The following FREM2 variants were observed in gnomAD, a reference collection of about 807,000 sequenced individuals.
FREM2 encodes FRAS1-related extracellular matrix protein 2.
A neutral mutation model predicts 219.9 loss-of-function variants in FREM2; 119 were observed. The observed-to-expected ratio is 0.54, with a 90% CI of 0.47 to 0.63. FREM2 has a LOEUF of 0.63. Among genes scored for constraint, FREM2 ranks in the 30% least tolerant of loss-of-function variants. FREM2 has a pLI of 0.00. For synonymous variants in FREM2, 1,562 were observed against 1,522.8 expected (o/e 1.03, Z -0.60); for missense variants, 4,030 against 3,993.6 (o/e 1.01, Z -0.25).
chr13:38,858,072 A>C (rs1162356402), intron 13 of FREM2, 39 bp downstream of exon 13: 1 of 1,528,044 alleles, frequency 6.5e-7, no homozygotes, highest in South Asian at 1.1e-5. Flanking sequence ...AAATTGTAAG[A>C]TAATTATTTC....
intron 2 of FREM2, among the ~76,000 whole-genome samples, chr13:38,708,718 CT>C (rs1225795404): frequency 2.6e-5 from 4 of 152,064 alleles, no homozygotes; most frequent in African/African-American, 9.7e-5. Flanking sequence ...ATTTTCTAAA[CT>C]GTAAATTTGA....
chr13:38,694,441 T>A (rs944258129), intron 1 of FREM2, among the ~76,000 whole-genome samples: 2 of 152,212 alleles, frequency 1.3e-5, no homozygotes, highest in Non-Finnish European at 2.9e-5. Flanking sequence ...GGAGATTAGA[T>A]AAGTGATTTA....
chr13:38,780,178 C>T (rs1874063257), intron 4 of FREM2, among the ~76,000 whole-genome samples: 1 of 152,178 alleles, frequency 6.6e-6, no homozygotes, highest in African/African-American at 2.4e-5. Context: ...TAAAAGGAAC[C>T]TCAATTTTAA....
chr13:38,802,165 G>A (rs1875037693), intron 6 of FREM2, among the ~76,000 whole-genome samples: 1 of 152,206 alleles, frequency 6.6e-6, no homozygotes, highest in South Asian at 2.1e-4. Context: ...TGATAAGCGA[G>A]GTGGGGTTGT....
At chr13:38,857,736 C>A in intron 12 of FREM2, 139 bp from the exon 13 acceptor site, 1 of 733,764 alleles carries the variant, frequency 1.4e-6, no homozygotes, top group Admixed American at 2.0e-5. Context: ...GCCTGTTGCT[C>A]TCCAGGGGCT....
chr13:38,834,067 G>A (rs1055792726), intron 6 of FREM2, among the ~76,000 whole-genome samples: 1 of 151,998 alleles, frequency 6.6e-6, no homozygotes, highest in Admixed American at 6.6e-5. Context: ...TGTGCAGAAC[G>A]TGCTAGTTTG....
intron 2 of FREM2, among the ~76,000 whole-genome samples, chr13:38,698,493 AC>A (rs1463821230): frequency 3.3e-5 from 5 of 152,094 alleles, no homozygotes; most frequent in Non-Finnish European, 5.9e-5. Flanking sequence ...TGTCTTCCTA[AC>A]CCTGTGGGTG....
At chr13:38,753,504 G>C (rs530270241) in intron 2 of FREM2, among the ~76,000 whole-genome samples, 44 of 152,136 alleles carry the variant, frequency 2.9e-4, no homozygotes, top group African/African-American at 1.1e-3. Flanking sequence ...CTTGGCATCC[G>C]TTTATATTAT....
At chr13:38,771,094 A>G (rs555471502) in intron 4 of FREM2, among the ~76,000 whole-genome samples, 2 of 152,356 alleles carry the variant, frequency 1.3e-5, no homozygotes, top group East Asian at 3.9e-4. Context: ...GTGTTAAAAG[A>G]CTAAGCATAA....
intron 2 of FREM2, among the ~76,000 whole-genome samples, chr13:38,730,841 A>G (rs1183688174): frequency 1.3e-5 from 2 of 152,090 alleles, no homozygotes; most frequent in Non-Finnish European, 2.9e-5. Context: ...CAAAGACATT[A>G]TTATTCTTTA....
chr13:38,687,622 A>G lies in FREM2; in HGVS notation c.278A>G (p.His93Arg), dbSNP rs1465290296. ...CGTGAAGTCTGGCTGGATCCCCTGC[A>G]TGACCTGGTGTTGCAGGTGCAGCCC... The part of the protein sequence containing the change: ...FGREVWLDPL[H>R]DLVLQVQPGD... Residue 93 changes from histidine to arginine, a missense_variant, in exon 1 of 24, where the codon CAT becomes CGT. His to Arg is a conservative substitution (Grantham distance 29). This residue lies in a region of FREM2 where 3,102 missense variants were observed against 2,950.7 expected (regional missense o/e 1.05). Transcript: ENST00000280481. 1.2e-6 allele frequency: 2 copies of G among 1,609,520 alleles called. No individual in the cohort carries two copies. The highest frequency in any genetic ancestry group is 8.5e-7 in the Non-Finnish European group (1 of 1,178,300).
chr13:38,716,329 T>A (rs757244413), intron 2 of FREM2, among the ~76,000 whole-genome samples: 1 of 150,998 alleles, frequency 6.6e-6, no homozygotes, highest in African/African-American at 2.5e-5. Flanking sequence ...TAGGTACTTA[T>A]GCAAAATTCG....
chr13:38,724,826 G>A (rs1871447612), intron 2 of FREM2, among the ~76,000 whole-genome samples: 2 of 152,130 alleles, frequency 1.3e-5, no homozygotes, highest in African/African-American at 4.8e-5. Flanking sequence ...GGAAGAGCCA[G>A]ACTTTTGTTG....
chr13:38,872,988 T>G, intron 17 of FREM2, 54 bp downstream of exon 17: 1 of 1,528,180 alleles, frequency 6.5e-7, no homozygotes, highest in Admixed American at 1.7e-5. Context: ...TTTAAACTAT[T>G]TAAGACGATT....
intron 2 of FREM2, among the ~76,000 whole-genome samples, chr13:38,716,432 C>T (rs990909): frequency 0.52 from 78,355 of 152,064 alleles, 23,250 homozygotes; most frequent in Non-Finnish European, 0.66. Flanking sequence ...TCAGCTTAAA[C>T]CTTCTCCTAT....
chr13:38,720,754 G>C (rs1871198402), intron 2 of FREM2, among the ~76,000 whole-genome samples: 1 of 152,136 alleles, frequency 6.6e-6, no homozygotes, highest in Non-Finnish European at 1.5e-5. Context: ...CCAGAACACA[G>C]CAACCAGGCT....
intron 6 of FREM2, among the ~76,000 whole-genome samples, chr13:38,838,259 C>T (rs1593437698): frequency 6.6e-6 from 1 of 152,140 alleles, no homozygotes; most frequent in Non-Finnish European, 1.5e-5. Context: ...GTTGAAAATT[C>T]TTTTCTTTAA....
intron 13 of FREM2, 71 bp downstream of exon 13, chr13:38,858,104 C>A: frequency 1.5e-6 from 2 of 1,311,294 alleles, no homozygotes; most frequent in Non-Finnish European, 2.2e-6. Context: ...ATCAATATAG[C>A]ATTGGCTTTG....
At chr13:38,697,119 T>A (rs928838909) in intron 1 of FREM2, among the ~76,000 whole-genome samples, 5 of 152,180 alleles carry the variant, frequency 3.3e-5, no homozygotes, top group Admixed American at 2.6e-4. Context: ...TTTTATTAGA[T>A]GTTTTTTGTT....
Sources: gnomAD v4.1 joint callset for allele counts (sites outside exome capture counted in the v4.1 genomes callset) on GRCh38, gnomAD v4.1.1 for gene constraint, gnomAD v4.1.1 regional missense constraint, MANE v1.5 for transcripts, NCBI Gene and HGNC (gene_info 2026-07-23, HGNC 2026-07-21) for gene names.